BHMT2: variants seen among roughly 807,000 people sequenced by gnomAD.
The protein encoded by BHMT2 is betaine--homocysteine S-methyltransferase 2.
A neutral mutation model predicts 39.0 loss-of-function variants in BHMT2; 28 were observed. That is an observed-to-expected ratio of 0.72 (90% CI 0.53 to 0.98). The LOEUF (loss-of-function observed/expected upper bound fraction) is 0.98, where lower values mean the gene tolerates loss of function less well. Ranked by LOEUF, BHMT2 falls within the 50% of genes least tolerant of loss-of-function variation. BHMT2 has a pLI of 0.00. For synonymous variants in BHMT2, 145 were observed against 160.6 expected, an observed-to-expected ratio of 0.90 and a Z score of 0.74; for missense variants, 410 against 455.6, an observed-to-expected ratio of 0.90 and a Z score of 0.91.
Position 79,085,339 on chromosome 5 carries a change from A to C in BHMT2, c.1010+1483A>C, listed in dbSNP as rs369015560. 4.6e-5 allele frequency among the ~76,000 whole-genome samples: 7 copies of C among 152,214 alleles called. No homozygotes were observed. In the East Asian group the frequency reaches 1.2e-3, roughly 25 times the overall value. On this transcript the variant is annotated intron_variant, in intron 7 of 7. Transcript: ENST00000255192. ...TTCTCTGGGTGCTCTTAGGCAATGG[A>C]AAGTTCCATAATCACTTTATTTCAC...
intron 1 of BHMT2, among the ~76,000 whole-genome samples, chr5:79,076,700 C>T (rs1755679494): frequency 6.6e-6 from 1 of 152,040 alleles, no homozygotes; most frequent in Non-Finnish European, 1.5e-5. Flanking sequence ...TGTGTCCTGC[C>T]TCACTGGCAG....
intron 1 of BHMT2, among the ~76,000 whole-genome samples, chr5:79,071,746 A>G (rs371408963): frequency 6.6e-6 from 1 of 151,594 alleles, no homozygotes; most frequent in Non-Finnish European, 1.5e-5. Flanking sequence ...TAACCCATAT[A>G]GCAAACCTCC....
At chr5:79,088,358 C>CTGTGTGTGTGTG (rs202040828) in intron 7 of BHMT2, 135 bp from the exon 8 acceptor site, 300 of 304,624 alleles carry the variant, frequency 9.8e-4, no homozygotes, top group Admixed American at 3.1e-3. Context: ...CAAGTTTTGA[C>CTGTGTGTGTGTG]TGTGTGTGTG....
chr5:79,087,012 GTGTA>G (rs1355056609), intron 7 of BHMT2, among the ~76,000 whole-genome samples: 67 of 108,126 alleles, frequency 6.2e-4, no homozygotes, highest in African/African-American at 2.1e-3. Context: ...GTGTGTGTGT[GTGTA>G]TATATATATA....
chr5:79,082,981 C>T (rs1255769947), intron 5 of BHMT2, 25 bp downstream of exon 5: 8 of 1,613,530 alleles, frequency 5.0e-6, no homozygotes, highest in Non-Finnish European at 5.1e-6. Flanking sequence ...TACCGTGATA[C>T]ACAGCTCAGT....
Position 79,088,753 on chromosome 5 carries a change from T to C in BHMT2, c.*179T>C, listed in dbSNP as rs1755958393. ...AAGTGTGTGCATATTGAGCTCCTGC[T>C]GTGGTTAAGCACTGCAACAGACTCT... is the stretch of plus-strand genomic sequence containing the variant. On this transcript the variant is annotated 3_prime_UTR_variant, in exon 8 of 8. Coordinates refer to ENST00000255192, the MANE Select transcript of BHMT2 (RefSeq NM_017614.5). 1 of 556,802 alleles carries C rather than the reference T, an allele frequency of 1.8e-6. No homozygotes were observed. The highest frequency in any genetic ancestry group is 3.3e-6 in the Non-Finnish European group (1 of 303,564). The allele number at this position is 556,802 out of a possible 1,614,324, so 34.5% of individuals were successfully genotyped here.
intron 7 of BHMT2, among the ~76,000 whole-genome samples, chr5:79,084,464 G>C (rs1419145181): frequency 3.9e-5 from 6 of 151,998 alleles, no homozygotes; most frequent in Non-Finnish European, 8.8e-5. Flanking sequence ...AGTAGAGACG[G>C]GGTTTCACTA....
At chr5:79,088,309 A>G (rs984124070) in intron 7 of BHMT2, among the ~76,000 whole-genome samples, 184 bp from the exon 8 acceptor site, 1 of 151,648 alleles carries the variant, frequency 6.6e-6, no homozygotes, top group Non-Finnish European at 1.5e-5. Flanking sequence ...TTCCGTCTGT[A>G]TGTTAAAACA....
chr5:79,079,160 C>G (rs75948734), intron 2 of BHMT2, among the ~76,000 whole-genome samples: 2,288 of 152,310 alleles, frequency 0.015, 31 homozygotes, highest in Non-Finnish European at 0.023. Flanking sequence ...GGCCCATCAC[C>G]AGAACAATAC....
At chr5:79,072,716 T>C (rs1755604032) in intron 1 of BHMT2, among the ~76,000 whole-genome samples, 1 of 152,160 alleles carries the variant, frequency 6.6e-6, no homozygotes, top group African/African-American at 2.4e-5. Context: ...AGGGGTATAA[T>C]CACAGGTGAG....
intron 2 of BHMT2, among the ~76,000 whole-genome samples, chr5:79,079,094 G>A (rs1251198605): frequency 6.6e-6 from 1 of 152,182 alleles, no homozygotes; most frequent in African/African-American, 2.4e-5. Flanking sequence ...AAGAGACCAA[G>A]GGTTAATTGG....
chr5:79,079,319 A>C, intron 2 of BHMT2, 50 bp from the exon 3 acceptor site: 1 of 1,346,544 alleles, frequency 7.4e-7, no homozygotes, highest in Non-Finnish European at 1.1e-6. Context: ...AGCTTCTGTA[A>C]TATTTCTTTA....
intron 7 of BHMT2, among the ~76,000 whole-genome samples, chr5:79,087,017 TA>T (rs1755913355): frequency 1.6e-5 from 1 of 62,348 alleles, no homozygotes; most frequent in African/African-American, 6.3e-5. Context: ...TGTGTGTGTA[TA>T]TATATATATA....
rs141648685 is a variant in BHMT2 at position 79,079,371 on chromosome 5, C to A, written c.169C>A (p.Arg57Ser). 3 of 1,609,086 alleles carry A rather than the reference C, an allele frequency of 1.9e-6. No individual in the cohort carries two copies. The highest frequency in any genetic ancestry group is 2.6e-6 in the Non-Finnish European group (3 of 1,176,394). ...TTTAAAACCCAACTACTTTGTAGTTCGTCAACTTCACATGGAATTCTTGAG... is the reference window on the plus strand; with the variant it reads ...TTTAAAACCCAACTACTTTGTAGTTAGTCAACTTCACATGGAATTCTTGAG... The part of the protein sequence containing the change: ...EAVIEHPDAV[R>S]QLHMEFLRAG... Residue 57 changes from arginine (R) to serine (S), a missense_variant and splice_region_variant, in exon 3 of 8, where the codon CGT (arginine) becomes AGT (serine). Arg to Ser is a moderately radical substitution (Grantham distance 110). Coordinates refer to ENST00000255192, the MANE Select transcript of BHMT2 (RefSeq NM_017614.5).
chr5:79,080,696 G>A lies in BHMT2; in HGVS notation c.268G>A (p.Val90Ile), dbSNP rs1755769042. 2 of 1,590,636 alleles carry A rather than the reference G, an allele frequency of 1.3e-6. No individual in the cohort carries two copies. The highest frequency in any genetic ancestry group is 8.5e-7 in the Non-Finnish European group (1 of 1,173,614). ...EDNMESKWED[V>I]NAAACDLARE... The stretch of plus-strand genomic sequence containing the variant: ...TGCTCTCTAACCTCAGTGGGAAGAT[G>A]TAAATGCTGCTGCCTGTGACCTCGC... Residue 90 changes from valine (V) to isoleucine (I), a missense_variant, in exon 4 of 8, where the codon GTA becomes ATA. Physicochemically the swap from Val to Ile is conservative, Grantham distance 29. Coordinates refer to ENST00000255192, the MANE Select transcript of BHMT2 (RefSeq NM_017614.5).
chr5:79,082,798 AT>A lies in BHMT2; in HGVS notation c.451-8del. ...TGTTTGGACCAGTAGAAAAAGTGAC[AT>A]TTCTCTTAGTATTTTGAGCACGTTG... On this transcript the variant is annotated splice_polypyrimidine_tract_variant and intron_variant, in intron 4 of 7. Coordinates refer to ENST00000255192, the MANE Select transcript of BHMT2 (RefSeq NM_017614.5). The A allele has an allele frequency of 6.2e-7, 1 of 1,612,922 alleles. No individual in the cohort carries two copies. Among genetic ancestry groups the A allele is most frequent in the East Asian group, 2.2e-5 (1 of 44,876 alleles).
chr5:79,071,588 T>C (rs1323710198), intron 1 of BHMT2, among the ~76,000 whole-genome samples: 3 of 152,212 alleles, frequency 2.0e-5, no homozygotes, highest in Non-Finnish European at 4.4e-5. Flanking sequence ...TTCCTGTCTT[T>C]ATAATTTTAC....
intron 1 of BHMT2, among the ~76,000 whole-genome samples, chr5:79,075,716 A>G (rs959466481): frequency 6.6e-6 from 1 of 152,188 alleles, no homozygotes; most frequent in African/African-American, 2.4e-5. Context: ...CAAAGACCAG[A>G]AAGCAGTGAG....
Position 79,083,829 on chromosome 5 carries a change from T to C in BHMT2, c.983T>C (p.Met328Thr). ...KHGSWGSGLD[M>T]HTKPWIRARA... ...GGCAGCTGGGGAAGTGGTTTGGACA[T>C]GCACACCAAACCCTGGATTAGAGCA... The change falls in exon 7 of 8, where the codon ATG (methionine) becomes ACG (threonine). Residue 328 changes from methionine (M) to threonine (T), a missense_variant. By Grantham distance (81) the Met-to-Thr change is moderately conservative. Coordinates refer to ENST00000255192, the MANE Select transcript of BHMT2 (RefSeq NM_017614.5). The C allele has an allele frequency of 1.2e-6, 2 of 1,614,084 alleles. No homozygotes were observed. The highest frequency in any genetic ancestry group is 4.5e-5 in the East Asian group (2 of 44,886).
Sources: allele counts gnomAD v4.1 joint callset (sites outside exome capture counted in the v4.1 genomes callset), GRCh38; gene constraint gnomAD v4.1.1; transcripts MANE v1.5; gene names NCBI Gene and HGNC (gene_info 2026-07-23, HGNC 2026-07-21).